Variants in DMD observed in about 807,000 individuals in gnomAD.
DMD encodes dystrophin, also known as mutant dystrophin.
DMD carries 63 observed loss-of-function variants against 330.1 expected under a neutral mutation model. The ratio of observed to expected loss-of-function variants is 0.19; its 90% CI spans 0.16 to 0.24. DMD has a LOEUF of 0.24. Ranked by LOEUF, DMD falls within the 10% of genes least tolerant of loss-of-function variation. The pLI, the probability that DMD is intolerant of heterozygous loss-of-function variation, is 1.00. For synonymous variants in DMD, 1,223 were observed against 959.8 expected (o/e 1.27, Z -5.07); for missense variants, 3,344 against 2,684.1 (o/e 1.25, Z -5.43).
intron 53 of DMD, 86 bp from the exon 54 acceptor site, chrX:31,658,230 G>T: frequency 9.8e-7 from 1 of 1,015,867 alleles, no homozygotes; most frequent in Non-Finnish European, 1.4e-6. Flanking sequence ...TTCGTAAACA[G>T]CTTCTGAATC....
At chrX:32,742,319 C>T (rs951445221) in intron 7 of DMD, among the ~76,000 whole-genome samples, 11 of 111,863 alleles carry the variant, frequency 9.8e-5, no homozygotes, top group African/African-American at 2.9e-4. Flanking sequence ...AAATATTCTT[C>T]GTGCCCACTG....
At chrX:31,407,960 G>T (rs1453373595) in intron 60 of DMD, among the ~76,000 whole-genome samples, 11 of 111,619 alleles carry the variant, frequency 9.9e-5, no homozygotes, top group Admixed American at 9.6e-4. Flanking sequence ...ATTAAATTAT[G>T]AAACAGGATA....
chrX:33,241,709 G>A (rs924320735), intron 1 of DMD, among the ~76,000 whole-genome samples: 4 of 111,693 alleles, frequency 3.6e-5, no homozygotes, highest in African/African-American at 1.3e-4. Context: ...TTTCATCAAT[G>A]TCTTACAGTT....
At chrX:33,022,851 G>A (rs1389491074) in intron 1 of DMD, among the ~76,000 whole-genome samples, 1 of 111,156 alleles carries the variant, frequency 9.0e-6, no homozygotes, top group East Asian at 2.8e-4. Context: ...ACATATTAAC[G>A]CAAATGCAAA....
At chrX:31,358,227 C>T (rs749997882) in intron 60 of DMD, among the ~76,000 whole-genome samples, 1 of 110,226 alleles carries the variant, frequency 9.1e-6, no homozygotes, top group African/African-American at 3.3e-5. Flanking sequence ...TAAACTAAAA[C>T]TATTTTGTTT....
intron 42 of DMD, among the ~76,000 whole-genome samples, chrX:32,296,127 C>T (rs1432345476): frequency 2.7e-5 from 3 of 112,262 alleles, no homozygotes; most frequent in Non-Finnish European, 5.6e-5. Flanking sequence ...CGCGGTGGCT[C>T]ACGCCTGTAA....
chrX:31,126,803 GAAAAA>G (rs58738809), intron 77 of DMD, 130 bp from the exon 78 acceptor site: 1,464 of 250,734 alleles, frequency 5.8e-3, no homozygotes, highest in Non-Finnish European at 6.3e-3. Context: ...TTCTCTGCTG[GAAAAA>G]AAAAAAAAAA....
Position 31,121,442 on chromosome X carries a change from ATGTGTGTG to A in DMD, c.*469_*476del, listed in dbSNP as rs386416845. 320 of 127,850 alleles carry A rather than the reference ATGTGTGTG, an allele frequency of 2.5e-3. 1 individual carries two copies. Among genetic ancestry groups the A allele is most frequent in the African/African-American group, 0.01 (289 of 28,016 alleles). The allele number at this position is 127,850 out of a possible 1,213,427, so 10.5% of individuals were successfully genotyped here. A position where few individuals can be genotyped will look rare whatever the true frequency, so the allele number is the denominator to read the frequency against. The stretch of plus-strand genomic sequence containing the variant: ...CTCAAAGTTTTGTGTGTGTGTGTGT[ATGTGTGTG>A]TGTGTGTGTTTGTTTTGTTTTTAGG... On this transcript the variant is annotated 3_prime_UTR_variant, in exon 79 of 79. Coordinates refer to ENST00000357033, the MANE Select transcript of DMD (RefSeq NM_004006.3).
intron 25 of DMD, among the ~76,000 whole-genome samples, chrX:32,462,655 T>G (rs764348746): frequency 7.8e-4 from 87 of 111,036 alleles, no homozygotes; most frequent in Non-Finnish European, 1.3e-3. Flanking sequence ...ATCTTAATTG[T>G]TATTTAAAAC....
chrX:31,965,118 A>G (rs1473911599), intron 45 of DMD, among the ~76,000 whole-genome samples: 1 of 111,393 alleles, frequency 9.0e-6, no homozygotes, highest in Non-Finnish European at 1.9e-5. Flanking sequence ...TCAGCAATCC[A>G]TTGCTTGAAG....
intron 13 of DMD, among the ~76,000 whole-genome samples, chrX:32,580,438 T>G (rs1757004489): frequency 8.9e-6 from 1 of 112,195 alleles, no homozygotes; most frequent in African/African-American, 3.2e-5. Context: ...TTGTAATATC[T>G]GTGAACAAAC....
chrX:31,312,491 G>A (rs780365144), intron 62 of DMD, among the ~76,000 whole-genome samples: 1 of 112,415 alleles, frequency 8.9e-6, no homozygotes, highest in Non-Finnish European at 1.9e-5. Context: ...AAATGGGAAC[G>A]CTTTTGAACT....
chrX:32,402,243 G>T (rs1227650664), intron 30 of DMD, among the ~76,000 whole-genome samples: 1 of 111,130 alleles, frequency 9.0e-6, no homozygotes, highest in African/African-American at 3.3e-5. Context: ...CAAAATAATG[G>T]AGTGAAAAAG....
intron 44 of DMD, among the ~76,000 whole-genome samples, chrX:32,142,515 T>A (rs182932631): frequency 8.9e-6 from 1 of 112,480 alleles, no homozygotes; most frequent in Non-Finnish European, 1.9e-5. Context: ...GCACTGAATA[T>A]CATCCCTTCT....
intron 1 of DMD, among the ~76,000 whole-genome samples, chrX:33,330,316 C>A (rs965763927): frequency 4.5e-5 from 5 of 111,095 alleles, no homozygotes; most frequent in Non-Finnish European, 9.4e-5. Flanking sequence ...TGGATAAAAC[C>A]TTACGGATTA....
At chrX:32,364,179 A>C (rs1273295905) in intron 36 of DMD, among the ~76,000 whole-genome samples, 1 of 112,217 alleles carries the variant, frequency 8.9e-6, no homozygotes, top group Admixed American at 9.5e-5. Context: ...TGGCATAGGC[A>C]AAAAAATCAG....
intron 45 of DMD, among the ~76,000 whole-genome samples, chrX:31,940,105 G>C (rs1423098010): frequency 9.0e-6 from 1 of 111,373 alleles, no homozygotes; most frequent in Non-Finnish European, 1.9e-5. Context: ...CAGTAAACAA[G>C]ATAAAGAAAT....
At chrX:31,963,113 C>G (rs1444898205) in intron 45 of DMD, among the ~76,000 whole-genome samples, 2 of 111,660 alleles carry the variant, frequency 1.8e-5, no homozygotes, top group African/African-American at 6.5e-5. Flanking sequence ...GCGCATAGAG[C>G]AATATGAATT....
In DMD at chrX:31,146,389, C is replaced by T; in HGVS notation, c.10823G>A (p.Gly3608Asp). 1 of 1,210,238 alleles carries T rather than the reference C, an allele frequency of 8.3e-7. No individual in the cohort carries two copies. The highest frequency in any genetic ancestry group is 1.1e-6 in the Non-Finnish European group (1 of 894,347). The change falls in exon 76 of 79, where the codon GGC (glycine) becomes GAC (aspartate). Residue 3608 changes from glycine to aspartate, a missense_variant. Coordinates refer to ENST00000357033, the MANE Select transcript of DMD (RefSeq NM_004006.3). ...GGTAGAAGGAGAGGACACCGTTGTG[C>T]CATTCACTTTGGCCTCTGCCTGGGG... ...EQPQAEAKVNGTTVSSPSTSL... is the reference protein window; with the variant it reads ...EQPQAEAKVNDTTVSSPSTSL...
Sources: allele counts gnomAD v4.1 joint callset (sites outside exome capture counted in the v4.1 genomes callset), GRCh38; gene constraint gnomAD v4.1.1; transcripts MANE v1.5; gene names NCBI Gene and HGNC (gene_info 2026-07-23, HGNC 2026-07-21).